The following PAQR8 variants were observed in gnomAD, a reference collection of about 807,000 sequenced individuals.
PAQR8 encodes membrane progestin receptor beta.
In PAQR8, 17 loss-of-function variants were observed where a neutral mutation model predicts 25.2. The ratio of observed to expected loss-of-function variants is 0.67; its 90% confidence interval spans 0.46 to 1.01. The LOEUF is 1.01. Among genes scored for constraint, PAQR8 ranks in the 50% least tolerant of loss-of-function variants. PAQR8 has a pLI of 0.00. For missense variants in PAQR8, 392 were observed against 448.4 expected (o/e 0.87, Z 1.14); for synonymous variants, 204 against 190.6 (o/e 1.07, Z -0.58).
In PAQR8 at chr6:52,369,814, C is replaced by G. The variant is rs933603141; in HGVS notation, c.-53+7565C>G. 3.3e-4 allele frequency among the ~76,000 whole-genome samples: 50 copies of G among 152,228 alleles called. 1 individual carries two copies. Among genetic ancestry groups the G allele is most frequent in the African/African-American group, 1.1e-3 (45 of 41,532 alleles). ...GAAATCCCATCTTAGCTTTTTTATT[C>G]CTGCACTTAAGCAAGATAAAGTCAT... is the stretch of plus-strand genomic sequence containing the variant. On this transcript the variant is annotated intron_variant, in intron 1 of 1. Transcript: ENST00000442253.
rs776198767 is a variant in PAQR8 at position 52,403,207 on chromosome 6, C to A, written c.-7C>A. On this transcript the variant is annotated 5_prime_UTR_variant, in exon 2 of 2. Coordinates refer to ENST00000442253, the MANE Select transcript of PAQR8 (RefSeq NM_133367.5). Reference sequence around the variant, plus strand: ...GGCGCGGCACGGAGTGCATGCGGGCCGCTGCCATGACGACCGCCATCTTGG... The same window carrying A: ...GGCGCGGCACGGAGTGCATGCGGGCAGCTGCCATGACGACCGCCATCTTGG... The A allele has an allele frequency of 1.3e-6, 2 of 1,588,910 alleles. No individual in the cohort carries two copies. The highest frequency in any genetic ancestry group is 1.1e-5 in the South Asian group (1 of 90,266).
rs539012756 is a variant in PAQR8, at chr6:52,395,744, T to C, written c.-52-7418T>C. ...TTACTAGGACTTTATGTACATGTTT[T>C]GCCTCTTGAAAGTACTATTCCATTA... On this transcript the variant is annotated intron_variant, in intron 1 of 1. Transcript: ENST00000442253. 4.6e-5 allele frequency among the ~76,000 whole-genome samples: 7 copies of C among 152,338 alleles called. No individual in the cohort carries two copies. The East Asian group carries it at 1.3e-3, about 29-fold the overall frequency.
chr6:52,385,974 A>G (rs897813358), intron 1 of PAQR8, among the ~76,000 whole-genome samples: 2 of 152,238 alleles, frequency 1.3e-5, no homozygotes, highest in African/African-American at 4.8e-5. Context: ...TCTAATATCC[A>G]GCATCTATAA....
At chr6:52,387,831 T>C (rs1219927895) in intron 1 of PAQR8, among the ~76,000 whole-genome samples, 1 of 152,264 alleles carries the variant, frequency 6.6e-6, no homozygotes, top group Non-Finnish European at 1.5e-5. Context: ...TTGCTGGCTT[T>C]ACTGCCTGAG....
intron 1 of PAQR8, among the ~76,000 whole-genome samples, chr6:52,396,752 T>TA (rs1266624479): frequency 1.3e-5 from 2 of 152,162 alleles, no homozygotes; most frequent in Non-Finnish European, 2.9e-5. Context: ...AATGTTGAGA[T>TA]AAAATCAGCA....
chr6:52,381,244 G>T (rs1311261919), intron 1 of PAQR8, among the ~76,000 whole-genome samples: 1 of 152,220 alleles, frequency 6.6e-6, no homozygotes. Flanking sequence ...AACTAGGTGG[G>T]GGAAGAGGAA....
At position 52,364,083 on chromosome 6, in the gene PAQR8, G is replaced by GTTTTTTTTTTTTTTTTTTTTTTTTTT. The variant is rs67846872; in HGVS notation, c.-53+1854_-53+1855insTTTTTTTTTTTTTTTTTTTTTTTTTT. On this transcript the variant is annotated intron_variant, in intron 1 of 1. Coordinates refer to ENST00000442253, the MANE Select transcript of PAQR8 (RefSeq NM_133367.5). ...AGTGGATATATCCATTGAAAGATATGTTTTTTTTTTTTTTTTTTTTGCGGG... is the reference window on the plus strand; with the variant it reads ...AGTGGATATATCCATTGAAAGATATGTTTTTTTTTTTTTTTTTTTTTTTTTTTTTTTTTTTTTTTTTTTTTTGCGGG... Among the ~76,000 whole-genome samples, 3 of 84,268 alleles carry GTTTTTTTTTTTTTTTTTTTTTTTTTT rather than the reference G, an allele frequency of 3.6e-5. 1 individual carries two copies. Among genetic ancestry groups the GTTTTTTTTTTTTTTTTTTTTTTTTTT allele is most frequent in the African/African-American group, 4.6e-5 (1 of 21,800 alleles). The allele number at this position is 84,268 out of a possible 152,430, so 55.3% of individuals were successfully genotyped here. A position where few individuals can be genotyped will look rare whatever the true frequency, so the allele number is the denominator to read the frequency against.
At chr6:52,384,175 CTA>C (rs1763601632) in intron 1 of PAQR8, among the ~76,000 whole-genome samples, 1 of 152,136 alleles carries the variant, frequency 6.6e-6, no homozygotes, top group African/African-American at 2.4e-5. Context: ...TCAATAACAA[CTA>C]TGTATATCAG....
rs1763911621 is a variant in PAQR8, at chr6:52,406,492, C to T, written c.*2214C>T. ...GCCTGTGACATGATGAGCACAGGAA[C>T]AGGCATGAAGATATTGCCATACAAT... On this transcript the variant is annotated 3_prime_UTR_variant, in exon 2 of 2. Coordinates refer to ENST00000442253, the MANE Select transcript of PAQR8 (RefSeq NM_133367.5). The T allele has an allele frequency of 2.4e-6, 1 of 413,512 alleles. No homozygotes were observed. Among genetic ancestry groups the T allele is most frequent in the Non-Finnish European group, 4.4e-6 (1 of 226,154 alleles). 25.6% of individuals were successfully genotyped at this position (413,512 alleles called of 1,614,324 possible).
chr6:52,365,295 TGAAC>T (rs978998077), intron 1 of PAQR8, among the ~76,000 whole-genome samples: 6 of 152,036 alleles, frequency 3.9e-5, no homozygotes, highest in African/African-American at 1.4e-4. Context: ...AAAAATGTAC[TGAAC>T]ATATCCCTTT....
rs1763893335 is a variant in PAQR8 at position 52,405,183 on chromosome 6, A to T, written c.*905A>T. On this transcript the variant is annotated 3_prime_UTR_variant, in exon 2 of 2. Transcript: ENST00000442253. ...GGAGATCTGGGGGTTGCACCAGGGA[A>T]TCGCCATATTTGACCAGCATGTTTT... is the stretch of plus-strand genomic sequence containing the variant. 6.0e-6 allele frequency: 1 copy of T among 166,950 alleles called. No individual in the cohort carries two copies. The highest frequency in any genetic ancestry group is 1.5e-5 in the Non-Finnish European group (1 of 68,144). 10.3% of individuals were successfully genotyped at this position (166,950 alleles called of 1,614,324 possible).
At chr6:52,375,385 G>T (rs538897216) in intron 1 of PAQR8, among the ~76,000 whole-genome samples, 6 of 152,278 alleles carry the variant, frequency 3.9e-5, no homozygotes, top group African/African-American at 1.4e-4. Context: ...AAAATTCAGT[G>T]AGCTCTTTAG....
At chr6:52,397,844 G>A (rs1421417865) in intron 1 of PAQR8, among the ~76,000 whole-genome samples, 3 of 152,158 alleles carry the variant, frequency 2.0e-5, no homozygotes, top group African/African-American at 7.2e-5. Flanking sequence ...CTCTTACTCA[G>A]TGCAGCCACC....
At chr6:52,398,941 G>C (rs987888628) in intron 1 of PAQR8, among the ~76,000 whole-genome samples, 3 of 152,144 alleles carry the variant, frequency 2.0e-5, no homozygotes, top group African/African-American at 7.2e-5. Flanking sequence ...TTCTGAGTTA[G>C]AGCCTATGGT....
intron 1 of PAQR8, among the ~76,000 whole-genome samples, chr6:52,373,120 G>A (rs1017092596): frequency 5.3e-5 from 8 of 152,114 alleles, no homozygotes; most frequent in Admixed American, 2.6e-4. Flanking sequence ...AAACTCCCAC[G>A]GACATGACTG....
Position 52,362,873 on chromosome 6 carries a change from G to T in PAQR8, c.-53+624G>T, listed in dbSNP as rs1200496084. On this transcript the variant is annotated intron_variant, in intron 1 of 1. Transcript: ENST00000442253. The surrounding 1 kb of genome is among the most constrained non-coding windows in gnomAD (Gnocchi z 4.1). ...GCTTTCGCCGGGGAAAGATGGAGGG[G>T]GCTTCTCTGAGAGGGTGGGCGCGAG... Among the ~76,000 whole-genome samples, 1 of 152,118 alleles carries T rather than the reference G, an allele frequency of 6.6e-6. No individual in the cohort carries two copies. The highest frequency in any genetic ancestry group is 2.4e-5 in the African/African-American group (1 of 41,412).
Position 52,403,166 on chromosome 6 carries a change from C to T in PAQR8, c.-48C>T, listed in dbSNP as rs766967103. Reference sequence around the variant, plus strand: ...ATTTTCCTTTCTTTTCTGCAGGTTGCATACCCTGTCCTGAGGGCGCGGCAC... The same window carrying T: ...ATTTTCCTTTCTTTTCTGCAGGTTGTATACCCTGTCCTGAGGGCGCGGCAC... On this transcript the variant is annotated 5_prime_UTR_variant, in exon 2 of 2. Coordinates refer to ENST00000442253, the MANE Select transcript of PAQR8 (RefSeq NM_133367.5). The T allele has an allele frequency of 4.6e-6, 7 of 1,515,914 alleles. No individual in the cohort carries two copies. Among genetic ancestry groups the T allele is most frequent in the East Asian group, 2.3e-5 (1 of 43,072 alleles). 93.9% of individuals were successfully genotyped at this position (1,515,914 alleles called of 1,614,324 possible). A position where few individuals can be genotyped will look rare whatever the true frequency, so the allele number is the denominator to read the frequency against.
chr6:52,374,600 A>C (rs9382103), intron 1 of PAQR8, among the ~76,000 whole-genome samples: 1 of 152,040 alleles, frequency 6.6e-6, no homozygotes, highest in Non-Finnish European at 1.5e-5. Flanking sequence ...GGGTCTTGCT[A>C]TGTTGGTGCC....
chr6:52,391,108 T>G (rs1763703202), intron 1 of PAQR8, among the ~76,000 whole-genome samples: 1 of 152,244 alleles, frequency 6.6e-6, no homozygotes, highest in Non-Finnish European at 1.5e-5. Flanking sequence ...TGTACCATGT[T>G]TGTATGATTA....
Sources: allele counts gnomAD v4.1 joint callset (sites outside exome capture counted in the v4.1 genomes callset), GRCh38; gene constraint gnomAD v4.1.1; non-coding constraint Gnocchi (gnomAD v3.1); transcripts MANE v1.5; gene names NCBI Gene and HGNC (gene_info 2026-07-23, HGNC 2026-07-21).